DSCAML1: variants seen among roughly 807,000 people sequenced by gnomAD.
The protein encoded by DSCAML1 is cell adhesion molecule DSCAML1.
DSCAML1 carries 38 observed loss-of-function variants against 200.5 expected under a neutral mutation model. That is an observed-to-expected ratio of 0.19 (90% confidence interval 0.15 to 0.25). DSCAML1 has a LOEUF of 0.25. Ranked by LOEUF, DSCAML1 falls within the 10% of genes least tolerant of loss-of-function variation. The pLI, the probability that DSCAML1 is intolerant of heterozygous loss-of-function variation, is 1.00. For missense variants in DSCAML1, 2,223 were observed against 2,858.8 expected (o/e 0.78, Z 5.07); for synonymous variants, 1,215 against 1,165.0 (o/e 1.04, Z -0.87).
At chr11:117,457,695 C>G (rs1402976458) in intron 19 of DSCAML1, among the ~76,000 whole-genome samples, 2 of 152,170 alleles carry the variant, frequency 1.3e-5, no homozygotes, top group Non-Finnish European at 2.9e-5. Context: ...GAGCTGGGAG[C>G]TGGTCCAGTC....
chr11:117,783,539 AC>A (rs2055299305), intron 1 of DSCAML1, among the ~76,000 whole-genome samples: 1 of 152,156 alleles, frequency 6.6e-6, no homozygotes, highest in African/African-American at 2.4e-5. Context: ...CATTCTAGAT[AC>A]CGTATTTATA....
chr11:117,524,787 G>A lies in DSCAML1; in HGVS notation c.937+18C>T. On this transcript the variant is annotated intron_variant, in intron 5 of 32. Transcript: ENST00000651296. Reference sequence around the variant, plus strand: ...CTCAGAGGTTACTGGGGCTGCAGAAGGGGCTTCCCCGACTCACCAATGACC... The same window carrying A: ...CTCAGAGGTTACTGGGGCTGCAGAAAGGGCTTCCCCGACTCACCAATGACC... 1 of 1,561,842 alleles carries A rather than the reference G, an allele frequency of 6.4e-7. No individual in the cohort carries two copies. The highest frequency in any genetic ancestry group is 1.2e-5 in the South Asian group (1 of 84,610).
At chr11:117,744,831 AG>A (rs1173374474) in intron 3 of DSCAML1, among the ~76,000 whole-genome samples, 1 of 152,246 alleles carries the variant, frequency 6.6e-6, no homozygotes. Flanking sequence ...CTACAGGCAA[AG>A]GGGAAGGAAG....
At chr11:117,621,786 G>A (rs2137551269) in intron 3 of DSCAML1, among the ~76,000 whole-genome samples, 1 of 152,204 alleles carries the variant, frequency 6.6e-6, no homozygotes, top group East Asian at 1.9e-4. Context: ...TACCTCACAG[G>A]ACTATTTTAA....
chr11:117,791,228 T>A (rs1372668074), intron 1 of DSCAML1, among the ~76,000 whole-genome samples: 1 of 152,232 alleles, frequency 6.6e-6, no homozygotes, highest in African/African-American at 2.4e-5. Context: ...CTGGGTTACA[T>A]GCTGCTTCCC....
intron 11 of DSCAML1, among the ~76,000 whole-genome samples, chr11:117,502,351 C>A (rs2049411640): frequency 6.6e-6 from 1 of 152,242 alleles, no homozygotes; most frequent in South Asian, 2.1e-4. Flanking sequence ...AGCGAAAAAG[C>A]ATCTACGAGT....
intron 3 of DSCAML1, among the ~76,000 whole-genome samples, chr11:117,688,944 C>T (rs2053452308): frequency 6.6e-6 from 1 of 152,250 alleles, no homozygotes; most frequent in Non-Finnish European, 1.5e-5. Flanking sequence ...CTCTCGCCTA[C>T]TGGCTATCAT....
chr11:117,783,634 G>T (rs954279277), intron 1 of DSCAML1, among the ~76,000 whole-genome samples: 3 of 152,044 alleles, frequency 2.0e-5, no homozygotes, highest in Non-Finnish European at 4.4e-5. Flanking sequence ...AGGAAATTAT[G>T]ACTCTGAGAA....
chr11:117,545,887 G>T (rs1253432098), intron 3 of DSCAML1, among the ~76,000 whole-genome samples: 4 of 152,362 alleles, frequency 2.6e-5, no homozygotes, highest in Non-Finnish European at 5.9e-5. Flanking sequence ...TGTGGTCAGA[G>T]CGCAGATGTC....
At chr11:117,676,224 C>T (rs1189374706) in intron 3 of DSCAML1, among the ~76,000 whole-genome samples, 2 of 151,890 alleles carry the variant, frequency 1.3e-5, no homozygotes. Flanking sequence ...GCCACAGCAT[C>T]AGATAGCAGA....
intron 3 of DSCAML1, among the ~76,000 whole-genome samples, chr11:117,728,399 C>T (rs770676547): frequency 6.6e-6 from 1 of 152,178 alleles, no homozygotes; most frequent in African/African-American, 2.4e-5. Context: ...CCTCACCACA[C>T]CACTTCTGTC....
At chr11:117,650,342 G>C (rs958003223) in intron 3 of DSCAML1, among the ~76,000 whole-genome samples, 1 of 152,176 alleles carries the variant, frequency 6.6e-6, no homozygotes, top group Admixed American at 6.5e-5. Flanking sequence ...GATAGGGCCC[G>C]GGTTTCTTCT....
chr11:117,580,234 GGCTGGCT>G (rs1310654063), intron 3 of DSCAML1, among the ~76,000 whole-genome samples: 7 of 152,188 alleles, frequency 4.6e-5, no homozygotes, highest in Non-Finnish European at 8.8e-5. Context: ...ATACTTCCTG[GGCTGGCT>G]GCCTCCAAAG....
At chr11:117,600,261 G>A (rs1435275648) in intron 3 of DSCAML1, among the ~76,000 whole-genome samples, 1 of 152,194 alleles carries the variant, frequency 6.6e-6, no homozygotes, top group African/African-American at 2.4e-5. Flanking sequence ...CACACAGGGA[G>A]GATCTTCATT....
intron 3 of DSCAML1, among the ~76,000 whole-genome samples, chr11:117,632,903 CTG>C (rs974379879): frequency 2.6e-5 from 4 of 152,152 alleles, no homozygotes; most frequent in African/African-American, 9.7e-5. Flanking sequence ...GAAAAGGAAA[CTG>C]AGGCTTCCAG....
chr11:117,496,092 G>A (rs2049284228), intron 11 of DSCAML1, among the ~76,000 whole-genome samples: 1 of 152,058 alleles, frequency 6.6e-6, no homozygotes, highest in Non-Finnish European at 1.5e-5. Context: ...CATCCCTCCG[G>A]GAAGCTCCAT....
intron 3 of DSCAML1, among the ~76,000 whole-genome samples, chr11:117,619,526 T>C (rs1406297932): frequency 6.6e-6 from 1 of 152,254 alleles, no homozygotes; most frequent in African/African-American, 2.4e-5. Flanking sequence ...TGGAGGAAAA[T>C]GGAAAATATG....
intron 3 of DSCAML1, among the ~76,000 whole-genome samples, chr11:117,774,472 G>A (rs1050382484): frequency 1.8e-4 from 28 of 152,050 alleles, no homozygotes; most frequent in African/African-American, 6.3e-4. Flanking sequence ...ATTCTTACTC[G>A]AACCCTATGA....
intron 3 of DSCAML1, among the ~76,000 whole-genome samples, chr11:117,646,228 A>G (rs1486172055): frequency 1.3e-5 from 2 of 152,078 alleles, no homozygotes; most frequent in Non-Finnish European, 2.9e-5. Flanking sequence ...TATAGTCTGC[A>G]GCCGTGGCCT....
Sources: allele counts gnomAD v4.1 joint callset (sites outside exome capture counted in the v4.1 genomes callset), GRCh38; gene constraint gnomAD v4.1.1; transcripts MANE v1.5; gene names NCBI Gene and HGNC (gene_info 2026-07-23, HGNC 2026-07-21).